Variants in BABAM2 observed in about 807,000 individuals in gnomAD.
BABAM2 encodes the protein BRISC and BRCA1 A complex member 2.
BABAM2 carries 31 observed loss-of-function variants against 54.7 expected under a neutral mutation model. The ratio of observed to expected loss-of-function variants is 0.57; its 90% CI spans 0.43 to 0.77. The LOEUF is 0.77. Among genes scored for constraint, BABAM2 ranks in the 30% least tolerant of loss-of-function variants. The pLI is 0.00. For synonymous variants in BABAM2, 167 were observed against 162.9 expected, an observed-to-expected ratio of 1.03 and a Z score of -0.19; for missense variants, 364 against 455.8, an observed-to-expected ratio of 0.80 and a Z score of 1.83.
chr2:27,910,643 T>A (rs1398992203), intron 2 of BABAM2, among the ~76,000 whole-genome samples: 1 of 152,134 alleles, frequency 6.6e-6, no homozygotes, highest in African/African-American at 2.4e-5. Context: ...AATATACTTT[T>A]AAAAATATAT....
chr2:28,213,744 G>A (rs561004834), intron 7 of BABAM2, among the ~76,000 whole-genome samples: 14 of 152,132 alleles, frequency 9.2e-5, no homozygotes, highest in African/African-American at 3.4e-4. Flanking sequence ...TCTAATGTAA[G>A]CACTCTAAGT....
At chr2:28,331,998 G>T (rs1690998479) in intron 11 of BABAM2, among the ~76,000 whole-genome samples, 1 of 152,202 alleles carries the variant, frequency 6.6e-6, no homozygotes, top group Admixed American at 6.5e-5. Flanking sequence ...AAAGCAAGGA[G>T]ATCATGTCTT....
At chr2:28,192,662 C>T (rs1677062091) in intron 7 of BABAM2, among the ~76,000 whole-genome samples, 1 of 151,422 alleles carries the variant, frequency 6.6e-6, no homozygotes, top group Non-Finnish European at 1.5e-5. Context: ...GCTGGGACTA[C>T]AGGCACGTGC....
chr2:28,250,581 T>TTC (rs1195952775), intron 10 of BABAM2, among the ~76,000 whole-genome samples: 5 of 13,262 alleles, frequency 3.8e-4, no homozygotes, highest in African/African-American at 5.4e-4. Flanking sequence ...TATATATTTT[T>TTC]TTCTTTTTTT....
chr2:28,058,659 G>A (rs1013462330), intron 6 of BABAM2, among the ~76,000 whole-genome samples: 6 of 151,928 alleles, frequency 3.9e-5, no homozygotes, highest in African/African-American at 1.2e-4. Flanking sequence ...GAGAGGAAAG[G>A]TGCCAGAACC....
At chr2:28,025,472 A>G in intron 5 of BABAM2, 52 bp downstream of exon 5, 4 of 1,447,572 alleles carry the variant, frequency 2.8e-6, no homozygotes, top group Non-Finnish European at 3.7e-6. Context: ...TAATAAAATA[A>G]TCAATTCATA....
intron 4 of BABAM2, among the ~76,000 whole-genome samples, chr2:28,000,868 CATT>C (rs1673531999): frequency 6.6e-6 from 1 of 152,160 alleles, no homozygotes; most frequent in African/African-American, 2.4e-5. Flanking sequence ...ATGCCCCCAT[CATT>C]ATAGATGTTT....
At chr2:28,001,755 A>T (rs1306215364) in intron 4 of BABAM2, among the ~76,000 whole-genome samples, 1 of 152,050 alleles carries the variant, frequency 6.6e-6, no homozygotes, top group Non-Finnish European at 1.5e-5. Flanking sequence ...CAAGAGAGAG[A>T]GGAGGGGGGT....
At chr2:27,889,046 T>C (rs1165573566), upstream of BABAM2, among the ~76,000 whole-genome samples, 5 of 152,256 alleles carry the variant, frequency 3.3e-5, no homozygotes, top group Non-Finnish European at 7.3e-5. Flanking sequence ...CTTTTGTTGC[T>C]TCTTCTCGTT....
rs114033460 is a variant in BABAM2 at position 28,304,969 on chromosome 2, C to T, written c.1088+6478C>T. On this transcript the variant is annotated intron_variant, in intron 11 of 11. Coordinates refer to ENST00000379624, the MANE Select transcript of BABAM2 (RefSeq NM_199191.3). This position sits in a 1 kb window ranked among gnomAD's most constrained non-coding sequence, Gnocchi z 4.0. ...CTAGGATTACAGGCATGAGCCAGCA[C>T]GCCCAGCCTGCAATTTCTTACATAA... 7.1e-3 allele frequency among the ~76,000 whole-genome samples: 1,089 copies of T among 152,314 alleles called. 8 individuals carry two copies. Among genetic ancestry groups the T allele is most frequent in the African/African-American group, 0.025 (1,027 of 41,574 alleles).
chr2:27,991,902 A>C (rs1672807519), intron 4 of BABAM2, among the ~76,000 whole-genome samples: 1 of 152,068 alleles, frequency 6.6e-6, no homozygotes, highest in Non-Finnish European at 1.5e-5. Context: ...TCAAATGGTA[A>C]CTCTATGTTT....
intron 3 of BABAM2, among the ~76,000 whole-genome samples, chr2:27,971,199 T>C (rs1416676653): frequency 6.6e-6 from 1 of 152,136 alleles, no homozygotes. Flanking sequence ...TTTTAGTATC[T>C]TGAATCAATA....
intron 7 of BABAM2, among the ~76,000 whole-genome samples, chr2:28,138,110 T>G (rs1670704150): frequency 6.6e-6 from 1 of 152,184 alleles, no homozygotes; most frequent in African/African-American, 2.4e-5. Context: ...TTCATTTATA[T>G]TTATTCACAA....
At chr2:28,214,682 A>G (rs1283346722) in intron 7 of BABAM2, among the ~76,000 whole-genome samples, 5 of 152,004 alleles carry the variant, frequency 3.3e-5, no homozygotes, top group African/African-American at 9.7e-5. Flanking sequence ...GTGGGGAAAC[A>G]TTTAGTTTTT....
chr2:28,083,187 C>A (rs1558319333), intron 6 of BABAM2, among the ~76,000 whole-genome samples: 1 of 152,174 alleles, frequency 6.6e-6, no homozygotes. Flanking sequence ...TCTCTGCTTA[C>A]CACGTCCTGA....
chr2:28,123,198 T>C (rs1669224173), intron 6 of BABAM2, among the ~76,000 whole-genome samples: 1 of 151,994 alleles, frequency 6.6e-6, no homozygotes, highest in African/African-American at 2.4e-5. Flanking sequence ...AACACGAAAA[T>C]CTCCCAGCCT....
At chr2:28,169,110 A>T (rs886701980) in intron 7 of BABAM2, among the ~76,000 whole-genome samples, 5 of 152,216 alleles carry the variant, frequency 3.3e-5, no homozygotes, top group Admixed American at 1.3e-4. Context: ...AAACTCCAGT[A>T]AGGATTGTGG....
In BABAM2 at chr2:28,038,854, G is replaced by A. The variant is rs569372765; in HGVS notation, c.496-6871G>A. Among the ~76,000 whole-genome samples the A allele has an allele frequency of 5.7e-4, 87 of 152,288 alleles. 2 individuals carry two copies. The highest frequency in any genetic ancestry group is 2.0e-3 in the African/African-American group (82 of 41,562). The stretch of plus-strand genomic sequence containing the variant: ...GTGCTATAATAAACATATAAGTGGA[G>A]GTGTCCTTTTGGTAGAGCGATTTAT... On this transcript the variant is annotated intron_variant, in intron 5 of 11. Transcript: ENST00000379624.
intron 9 of BABAM2, 97 bp from the exon 10 acceptor site, chr2:28,244,683 G>A: frequency 8.7e-7 from 1 of 1,152,718 alleles, no homozygotes; most frequent in Non-Finnish European, 1.3e-6. Flanking sequence ...CAATAACCCT[G>A]ACTTCACGAA....
Sources: allele counts gnomAD v4.1 joint callset (sites outside exome capture counted in the v4.1 genomes callset), GRCh38; gene constraint gnomAD v4.1.1; non-coding constraint Gnocchi (gnomAD v3.1); transcripts MANE v1.5; gene names NCBI Gene and HGNC (gene_info 2026-07-23, HGNC 2026-07-21).